FBXL18: variants seen among roughly 807,000 people sequenced by gnomAD.
FBXL18 encodes F-box and leucine rich repeat protein 18.
Under a neutral mutation model 46.0 loss-of-function variants are expected in FBXL18, and 36 were observed. That is an observed-to-expected ratio of 0.78 (90% confidence interval 0.60 to 1.03). The LOEUF (loss-of-function observed/expected upper bound fraction) is 1.03, where lower values mean the gene tolerates loss of function less well. Ranked by LOEUF, FBXL18 falls within the 50% of genes least tolerant of loss-of-function variation. The pLI, the probability that FBXL18 is intolerant of heterozygous loss-of-function variation, is 0.00. For missense variants in FBXL18, 977 were observed against 1,004.1 expected, an observed-to-expected ratio of 0.97 and a Z score of 0.36; for synonymous variants, 557 against 465.3, an observed-to-expected ratio of 1.20 and a Z score of -2.54.
Position 5,479,400 on chromosome 7 carries a change from C to G in FBXL18, c.*2375G>C, listed in dbSNP as rs3801058. The G allele has an allele frequency of 0.45, 67,868 of 152,092 alleles. 15,442 individuals are homozygous for G. The highest frequency in any genetic ancestry group is 0.71 in the East Asian group (3,674 of 5,154). The allele number at this position is 152,092 out of a possible 1,614,324, so 9.4% of individuals were successfully genotyped here. ...AGCTGCGGTGCCCAGAGACACAGGC[C>G]CCCTGAGGGTCCGGGAACCTCCCAG... On this transcript the variant is annotated 3_prime_UTR_variant, in exon 5 of 5. Coordinates refer to ENST00000382368, the MANE Select transcript of FBXL18 (RefSeq NM_024963.6).
At chr7:5,467,360 T>TA (rs1562674171) in intron 4 of FBXL18, among the ~76,000 whole-genome samples, 1 of 147,978 alleles carries the variant, frequency 6.8e-6, no homozygotes, top group Admixed American at 6.8e-5. Flanking sequence ...TAAAAAATAA[T>TA]AATAATAAAT....
intron 4 of FBXL18, among the ~76,000 whole-genome samples, chr7:5,461,942 A>G (rs1352327668): frequency 6.6e-6 from 1 of 152,050 alleles, no homozygotes; most frequent in Non-Finnish European, 1.5e-5. Context: ...CTCCGTCTCA[A>G]AAGAAAGAAA....
rs553377145 is a variant in FBXL18 at position 5,505,425 on chromosome 7, T to C, written c.224A>G (p.Gln75Arg). 1.2e-6 allele frequency: 2 copies of C among 1,614,128 alleles called. No homozygotes were observed. The highest frequency in any genetic ancestry group is 1.7e-5 in the Admixed American group (1 of 59,996). Residue 75 changes from glutamine (Q) to arginine (R), a missense_variant, in exon 2 of 5, where the codon CAA (glutamine) becomes CGA (arginine). By Grantham distance (43) the Gln-to-Arg change is conservative (BLOSUM62 1). Coordinates refer to ENST00000382368, the MANE Select transcript of FBXL18 (RefSeq NM_024963.6). ...ACGCCTGCTCACCTGATAGTCCTTT[T>C]GCAGCAACACGGTGTGGATGAGGCT... The part of the protein sequence containing the change: ...DKSLIHTVLL[Q>R]KDYQASEDKV...
In FBXL18 at chr7:5,463,728, A is replaced by ATTTTTTT. The variant is rs552002078; in HGVS notation, c.2001-15892_2001-15886dup. Among the ~76,000 whole-genome samples, 24 of 53,008 alleles carry ATTTTTTT rather than the reference A, an allele frequency of 4.5e-4. 3 individuals carry two copies. Among genetic ancestry groups the ATTTTTTT allele is most frequent in the Admixed American group, 8.7e-4 (3 of 3,464 alleles). The allele number at this position is 53,008 out of a possible 152,430, so 34.8% of individuals were successfully genotyped here. A position where few individuals can be genotyped will look rare whatever the true frequency, so the allele number is the denominator to read the frequency against. The stretch of plus-strand genomic sequence containing the variant: ...TATTTATTTATTTATTTATTTATTT[A>ATTTTTTT]TTTTTTTTTTTTTTTTTTTTTTTTT... On this transcript the variant is annotated intron_variant and NMD_transcript_variant, in intron 4 of 6. Transcript: ENST00000415009.
At position 5,478,854 on chromosome 7, in the gene FBXL18, T is replaced by TGCACGCAGGCACAC. The variant is rs1221256012; in HGVS notation, c.*2907_*2920dup. On this transcript the variant is annotated 3_prime_UTR_variant, in exon 5 of 5. Transcript: ENST00000382368. ...GGGCACAGGTACCCGCAGGCACACG[T>TGCACGCAGGCACAC]GCACGCAGGCACACGCACGCAGGCA... 1 of 152,056 alleles carries TGCACGCAGGCACAC rather than the reference T, an allele frequency of 6.6e-6. No individual in the cohort carries two copies. Among genetic ancestry groups the TGCACGCAGGCACAC allele is most frequent in the African/African-American group, 2.4e-5 (1 of 41,388 alleles). The allele number at this position is 152,056 out of a possible 1,614,324, so 9.4% of individuals were successfully genotyped here.
chr7:5,488,039 G>C (rs566001145), intron 4 of FBXL18, among the ~76,000 whole-genome samples: 1 of 152,254 alleles, frequency 6.6e-6, no homozygotes, highest in Non-Finnish European at 1.5e-5. Context: ...GCTCAGCGCC[G>C]GGCTCAGCTT....
chr7:5,474,686 T>TTTATTTA (rs1783480587), downstream of FBXL18, among the ~76,000 whole-genome samples: 1 of 39,396 alleles, frequency 2.5e-5, no homozygotes, highest in African/African-American at 9.8e-5. Flanking sequence ...GCACTTTATT[T>TTTATTTA]TTTATTTATT....
chr7:5,511,001 A>T (rs1438785733), intron 1 of FBXL18, among the ~76,000 whole-genome samples: 1 of 152,242 alleles, frequency 6.6e-6, no homozygotes, highest in African/African-American at 2.4e-5. Context: ...ACTTTTCAGA[A>T]TATGTAACAT....
chr7:5,488,715 G>A (rs1256466724), intron 4 of FBXL18, among the ~76,000 whole-genome samples: 1 of 152,232 alleles, frequency 6.6e-6, no homozygotes, highest in Non-Finnish European at 1.5e-5. Flanking sequence ...AGCCGCAAGC[G>A]CAAGCGTATG....
chr7:5,476,335 T>C lies in FBXL18; in HGVS notation c.*5440A>G, dbSNP rs898053962. The stretch of plus-strand genomic sequence containing the variant: ...GTGGCCAGGGTTCCCATGGCGGGTC[T>C]GGTGGCAACAGCTTGGAGAAAAGCC... On this transcript the variant is annotated 3_prime_UTR_variant, in exon 5 of 5. Coordinates refer to ENST00000382368, the MANE Select transcript of FBXL18 (RefSeq NM_024963.6). The C allele has an allele frequency of 6.6e-6, 1 of 152,228 alleles. No individual in the cohort carries two copies. 9.4% of individuals were successfully genotyped at this position (152,228 alleles called of 1,614,324 possible). A position where few individuals can be genotyped will look rare whatever the true frequency, so the allele number is the denominator to read the frequency against.
At position 5,501,130 on chromosome 7, in the gene FBXL18, G is replaced by A. The variant is rs752384431; in HGVS notation, c.1139C>T (p.Ala380Val). 183 of 1,612,426 alleles carry A rather than the reference G, an allele frequency of 1.1e-4. No homozygotes were observed. The highest frequency in any genetic ancestry group is 1.5e-4 in the Non-Finnish European group (176 of 1,179,760). The change falls in exon 3 of 5, where the codon GCG (alanine) becomes GTG (valine). Residue 380 changes from alanine (A) to valine (V), a missense_variant. Coordinates refer to ENST00000382368, the MANE Select transcript of FBXL18 (RefSeq NM_024963.6). The part of the protein sequence containing the change: ...IDSSILETLV[A>V]SCCNLRHLNL... ...CAGGTGGCGCAGGTTGCAGCAGGAC[G>A]CCACCAGAGTCTCCAGGATGCTGCT...
intron 3 of FBXL18, among the ~76,000 whole-genome samples, chr7:5,498,287 C>T (rs541344122): frequency 2.6e-5 from 4 of 152,200 alleles, no homozygotes; most frequent in South Asian, 2.1e-4. Flanking sequence ...CGGGTTTCAC[C>T]GTGTTAGCCA....
At chr7:5,487,081 G>A (rs4724699) in intron 4 of FBXL18, among the ~76,000 whole-genome samples, 75,024 of 152,266 alleles carry the variant, frequency 0.49, 18,762 homozygotes, top group East Asian at 0.69. Context: ...TGGGCCTTGG[G>A]CGCAGCTGCA....
chr7:5,503,765 G>C (rs1228122433), intron 2 of FBXL18, among the ~76,000 whole-genome samples: 1 of 151,684 alleles, frequency 6.6e-6, no homozygotes, highest in African/African-American at 2.4e-5. Context: ...TCAGGAGTTT[G>C]AGACCAGCCT....
At chr7:5,505,753 ACT>A in intron 1 of FBXL18, 123 bp from the exon 2 acceptor site, 2 of 726,298 alleles carry the variant, frequency 2.8e-6, no homozygotes, top group Non-Finnish European at 4.5e-6. Context: ...TTTTACTAAA[ACT>A]CTCAACTGAA....
At chr7:5,511,933 G>C (rs1036549329) in intron 1 of FBXL18, among the ~76,000 whole-genome samples, 7 of 151,728 alleles carry the variant, frequency 4.6e-5, no homozygotes, top group African/African-American at 1.7e-4. Context: ...ATTTTAAAAA[G>C]AGAAATAAAA....
rs1225603309 is a variant in FBXL18, at chr7:5,496,575, GA to G, written c.1781+3912del. Among the ~76,000 whole-genome samples the G allele has an allele frequency of 1.3e-5, 2 of 152,198 alleles. No homozygotes were observed. The highest frequency in any genetic ancestry group is 2.9e-5 in the Non-Finnish European group (2 of 68,044). On this transcript the variant is annotated intron_variant, in intron 3 of 4. Coordinates refer to ENST00000382368, the MANE Select transcript of FBXL18 (RefSeq NM_024963.6). This position sits in a 1 kb window ranked among gnomAD's most constrained non-coding sequence, Gnocchi z 4.8. ...GGCTTGGCTTAGGCCCATCAACTAG[GA>G]GGCCACACTTAACAGACTCTCCGGA...
At chr7:5,488,535 G>C (rs1168798492) in intron 4 of FBXL18, among the ~76,000 whole-genome samples, 1 of 152,208 alleles carries the variant, frequency 6.6e-6, no homozygotes, top group Non-Finnish European at 1.5e-5. Context: ...GCCCTGCGGA[G>C]CTGAGACCGT....
downstream of FBXL18, among the ~76,000 whole-genome samples, chr7:5,474,149 A>T (rs1403167503): frequency 6.6e-6 from 1 of 152,056 alleles, no homozygotes; most frequent in Non-Finnish European, 1.5e-5. Flanking sequence ...AGGGACAGGA[A>T]GTAGAATGGT....
Sources: gnomAD v4.1 joint callset for allele counts (sites outside exome capture counted in the v4.1 genomes callset) on GRCh38, gnomAD v4.1.1 for gene constraint, Gnocchi (gnomAD v3.1) non-coding constraint, MANE v1.5 for transcripts, NCBI Gene and HGNC (gene_info 2026-07-23, HGNC 2026-07-21) for gene names.